Variants in TMEM117 observed in about 807,000 individuals in gnomAD.
TMEM117 encodes transmembrane protein 117.
In TMEM117, 27 loss-of-function variants were observed where a neutral mutation model predicts 52.4. The ratio of observed to expected loss-of-function variants is 0.51; its 90% CI spans 0.38 to 0.71. The LOEUF is 0.71. TMEM117 is among the 30% of genes least tolerant of loss of function. The pLI is 0.00. For missense variants in TMEM117, 556 were observed against 630.5 expected (o/e 0.88, Z 1.26); for synonymous variants, 215 against 206.3 (o/e 1.04, Z -0.36).
At chr12:44,153,517 A>G (rs1308983718) in intron 4 of TMEM117, among the ~76,000 whole-genome samples, 2 of 152,060 alleles carry the variant, frequency 1.3e-5, no homozygotes, top group Non-Finnish European at 2.9e-5. Flanking sequence ...TCTCAGCCAA[A>G]CTGTTGATTT....
chr12:43,836,337 G>C (rs1263565619), intron 1 of TMEM117, 141 bp downstream of exon 1: 1 of 152,480 alleles, frequency 6.6e-6, no homozygotes, highest in South Asian at 2.1e-4. Context: ...GCGGAACCCC[G>C]GCCCGGCCCC....
chr12:44,230,730 G>A (rs1049060308), intron 5 of TMEM117, among the ~76,000 whole-genome samples: 1 of 151,992 alleles, frequency 6.6e-6, no homozygotes, highest in Non-Finnish European at 1.5e-5. Flanking sequence ...GAATCTCAAA[G>A]CTGATATTAT....
At chr12:43,813,218 C>T in the TMEM117 span, among the ~76,000 whole-genome samples, 2 of 127,012 alleles carry the variant, frequency 1.6e-5, no homozygotes, top group Non-Finnish European at 3.4e-5. Context: ...GTTTTCTGAA[C>T]TGGTTTTCTC....
At chr12:44,167,625 C>G (rs1275386015) in intron 4 of TMEM117, among the ~76,000 whole-genome samples, 1 of 151,980 alleles carries the variant, frequency 6.6e-6, no homozygotes, top group Middle Eastern at 3.2e-3. Flanking sequence ...TGAGATTGCA[C>G]CACTGCACTC....
At chr12:44,183,249 C>G (rs1419097771) in intron 4 of TMEM117, among the ~76,000 whole-genome samples, 1 of 152,184 alleles carries the variant, frequency 6.6e-6, no homozygotes, top group Non-Finnish European at 1.5e-5. Flanking sequence ...TTTATTTAGA[C>G]ATTCCCTATT....
chr12:43,951,701 A>T (rs1945225893), intron 3 of TMEM117, among the ~76,000 whole-genome samples: 1 of 152,090 alleles, frequency 6.6e-6, no homozygotes, highest in Non-Finnish European at 1.5e-5. Flanking sequence ...AGCGGGCTTA[A>T]TCTTTCTTGC....
At chr12:43,877,646 A>T (rs541561759) in intron 2 of TMEM117, among the ~76,000 whole-genome samples, 1 of 152,174 alleles carries the variant, frequency 6.6e-6, no homozygotes, top group East Asian at 1.9e-4. Context: ...AAAAAAAAAA[A>T]AAAAGTGTTT....
chr12:44,239,988 T>G (rs139563887), intron 5 of TMEM117, among the ~76,000 whole-genome samples: 447 of 152,208 alleles, frequency 2.9e-3, no homozygotes, highest in Non-Finnish European at 5.2e-3. Context: ...TTTAATAACT[T>G]ACAGAAATGA....
chr12:43,906,531 C>T (rs1022255945), intron 2 of TMEM117, among the ~76,000 whole-genome samples: 11 of 152,060 alleles, frequency 7.2e-5, no homozygotes, highest in African/African-American at 2.4e-4. Context: ...TCTACAGCTC[C>T]CAGCGTGAGC....
At chr12:44,153,655 GAT>G (rs1337354400) in intron 4 of TMEM117, among the ~76,000 whole-genome samples, 1 of 152,060 alleles carries the variant, frequency 6.6e-6, no homozygotes, top group African/African-American at 2.4e-5. Context: ...GTTTAAGATA[GAT>G]ATTGCAGTTC....
chr12:43,962,983 T>C (rs1170145427), intron 3 of TMEM117, among the ~76,000 whole-genome samples: 3 of 151,784 alleles, frequency 2.0e-5, no homozygotes, highest in African/African-American at 7.3e-5. Flanking sequence ...TTGAAAAGCA[T>C]ACATTATTCA....
chr12:44,293,007 T>C (rs915264899), intron 5 of TMEM117, among the ~76,000 whole-genome samples: 1 of 152,032 alleles, frequency 6.6e-6, no homozygotes, highest in Non-Finnish European at 1.5e-5. Flanking sequence ...ATCTATTCAT[T>C]GTTGCAAATA....
chr12:44,334,274 G>T (rs1160940325), intron 6 of TMEM117, among the ~76,000 whole-genome samples: 1 of 152,042 alleles, frequency 6.6e-6, no homozygotes, highest in Non-Finnish European at 1.5e-5. Flanking sequence ...TATATTCAAT[G>T]TAGGGCTTTT....
intron 6 of TMEM117, among the ~76,000 whole-genome samples, chr12:44,360,072 A>G (rs192845670): frequency 1.1e-3 from 164 of 152,284 alleles, no homozygotes; most frequent in African/African-American, 3.9e-3. Flanking sequence ...TATTCTTCTT[A>G]ATTTTAATTT....
chr12:43,928,125 G>T (rs1944810952), intron 2 of TMEM117, among the ~76,000 whole-genome samples: 1 of 151,830 alleles, frequency 6.6e-6, no homozygotes, highest in Non-Finnish European at 1.5e-5. Flanking sequence ...TATTTAAAAA[G>T]CTAGCTATTC....
At chr12:43,836,912 C>T (rs1787416145) in intron 1 of TMEM117, among the ~76,000 whole-genome samples, 1 of 151,922 alleles carries the variant, frequency 6.6e-6, no homozygotes, top group African/African-American at 2.4e-5. Flanking sequence ...GTATGTATTG[C>T]CCCCAATTAT....
At chr12:43,957,095 T>C (rs1179203723) in intron 3 of TMEM117, among the ~76,000 whole-genome samples, 1 of 151,472 alleles carries the variant, frequency 6.6e-6, no homozygotes, top group Non-Finnish European at 1.5e-5. Flanking sequence ...TAAGTGGGAG[T>C]TGAACAATGA....
At chr12:44,281,824 A>G (rs996221772) in intron 5 of TMEM117, among the ~76,000 whole-genome samples, 2 of 152,170 alleles carry the variant, frequency 1.3e-5, no homozygotes, top group Non-Finnish European at 2.9e-5. Context: ...CTATTGCCAT[A>G]TCTTTATTAT....
rs540448699 is a variant in TMEM117 at position 44,184,646 on chromosome 12, G to T, written c.511-26644G>T. Among the ~76,000 whole-genome samples, 292 of 152,172 alleles carry T rather than the reference G, an allele frequency of 1.9e-3. 3 individuals are homozygous for T. Among genetic ancestry groups the T allele is most frequent in the African/African-American group, 6.9e-3 (288 of 41,524 alleles). On this transcript the variant is annotated intron_variant, in intron 4 of 7. Transcript: ENST00000266534. The stretch of plus-strand genomic sequence containing the variant: ...GGGACCTCAGTCCTACAGCTGCATG[G>T]GACTGAATTCTGTCAACAACCAGAA...
Sources: allele counts gnomAD v4.1 joint callset (sites outside exome capture counted in the v4.1 genomes callset), GRCh38; gene constraint gnomAD v4.1.1; transcripts MANE v1.5; gene names NCBI Gene and HGNC (gene_info 2026-07-23, HGNC 2026-07-21).